Variants in RGS6 observed in about 807,000 individuals in gnomAD.
RGS6 encodes the protein regulator of G-protein signaling 6.
In RGS6, 30 loss-of-function variants were observed where a neutral mutation model predicts 78.5. The observed-to-expected ratio is 0.38, with a 90% CI of 0.29 to 0.52. The LOEUF (loss-of-function observed/expected upper bound fraction) is 0.52, where lower values mean the gene tolerates loss of function less well. Among genes scored for constraint, RGS6 ranks in the 20% least tolerant of loss-of-function variants. The pLI is 0.85. For missense variants in RGS6, 495 were observed against 609.7 expected, an observed-to-expected ratio of 0.81 and a Z score of 1.98; for synonymous variants, 206 against 206.0, an observed-to-expected ratio of 1.00 and a Z score of 0.00.
the RGS6 span, chr14:72,629,564 C>T: frequency 6.9e-7 from 1 of 1,453,522 alleles, no homozygotes; most frequent in Non-Finnish European, 9.3e-7. Context: ...TCCTCTTCAC[C>T]CCTCAAAGGA....
At chr14:72,483,674 G>A (rs913797941) in intron 12 of RGS6, among the ~76,000 whole-genome samples, 1 of 151,842 alleles carries the variant, frequency 6.6e-6, no homozygotes, top group African/African-American at 2.4e-5. Flanking sequence ...AAACCATGGG[G>A]TCTTTGCTCC....
chr14:72,437,824 A>T (rs2095007498), intron 3 of RGS6, among the ~76,000 whole-genome samples: 1 of 152,210 alleles, frequency 6.6e-6, no homozygotes, highest in South Asian at 2.1e-4. Context: ...TGGCTGTGTG[A>T]CTGTATCCAC....
intron 2 of RGS6, among the ~76,000 whole-genome samples, chr14:72,284,967 G>A (rs750793507): frequency 1.3e-5 from 2 of 152,176 alleles, no homozygotes; most frequent in Non-Finnish European, 2.9e-5. Context: ...GGACTTGGAT[G>A]GGACCTTTAG....
At chr14:71,973,075 C>T (rs1481845274) in intron 2 of RGS6, among the ~76,000 whole-genome samples, 1 of 152,124 alleles carries the variant, frequency 6.6e-6, no homozygotes, top group African/African-American at 2.4e-5. Flanking sequence ...CATTTATGGC[C>T]ATGCGTAAGT....
intron 2 of RGS6, among the ~76,000 whole-genome samples, chr14:72,021,093 G>A (rs1014218029): frequency 6.6e-6 from 1 of 152,196 alleles, no homozygotes; most frequent in Non-Finnish European, 1.5e-5. Context: ...CTCTGCTGAT[G>A]GAGCCATTTT....
intron 3 of RGS6, among the ~76,000 whole-genome samples, chr14:72,451,860 C>T (rs2153225850): frequency 6.6e-6 from 1 of 152,226 alleles, no homozygotes; most frequent in South Asian, 2.1e-4. Flanking sequence ...TCAAGCAATT[C>T]CCCTGCCTGA....
intron 16 of RGS6, chr14:72,537,376 A>G (rs2097264507): frequency 1.5e-6 from 1 of 651,662 alleles, no homozygotes; most frequent in Non-Finnish European, 2.8e-6. Flanking sequence ...ACAACTCCAG[A>G]GTCCTGGAGA....
chr14:72,038,268 A>G (rs2091989142), intron 2 of RGS6, among the ~76,000 whole-genome samples: 2 of 152,130 alleles, frequency 1.3e-5, no homozygotes, highest in South Asian at 4.1e-4. Flanking sequence ...CTCCCGGCCA[A>G]CCATGCTATC....
chr14:71,944,445 G>A (rs2152969619), intron 1 of RGS6, among the ~76,000 whole-genome samples: 1 of 152,292 alleles, frequency 6.6e-6, no homozygotes, highest in East Asian at 1.9e-4. Flanking sequence ...GCACAAGGTG[G>A]GGAATAAACA....
chr14:72,466,105 A>G (rs1024762644), intron 7 of RGS6, among the ~76,000 whole-genome samples: 9 of 152,260 alleles, frequency 5.9e-5, no homozygotes, highest in Non-Finnish European at 1.3e-4. Context: ...AAGAGGACAC[A>G]AGGATGATAA....
At chr14:72,304,492 T>TC (rs377306313) in intron 2 of RGS6, among the ~76,000 whole-genome samples, 113 of 152,382 alleles carry the variant, frequency 7.4e-4, no homozygotes, top group African/African-American at 2.5e-3. Context: ...GTGAATTTTC[T>TC]ATTCCACATT....
chr14:72,050,140 T>C (rs1218039955), intron 2 of RGS6, among the ~76,000 whole-genome samples: 2 of 151,990 alleles, frequency 1.3e-5, no homozygotes, highest in African/African-American at 4.8e-5. Context: ...TGAGGTAAAC[T>C]GAAATGTGAC....
At chr14:72,430,313 C>T (rs1351391453) in intron 3 of RGS6, among the ~76,000 whole-genome samples, 1 of 152,204 alleles carries the variant, frequency 6.6e-6, no homozygotes, top group East Asian at 1.9e-4. Flanking sequence ...CATTAAAACC[C>T]TCCAGTCATT....
intron 1 of RGS6, among the ~76,000 whole-genome samples, chr14:71,938,030 C>T (rs975346307): frequency 6.6e-6 from 1 of 152,186 alleles, no homozygotes; most frequent in Admixed American, 6.5e-5. Context: ...ACCATGGCCA[C>T]TTTGTTCATG....
the RGS6 span, among the ~76,000 whole-genome samples, chr14:71,915,758 C>A: frequency 9.3e-3 from 1,418 of 152,224 alleles, 30 homozygotes; most frequent in African/African-American, 0.032. Flanking sequence ...AAGCTTGAAC[C>A]CCTAGTACCT....
At chr14:72,512,416 T>G (rs2096889464) in intron 14 of RGS6, among the ~76,000 whole-genome samples, 1 of 151,984 alleles carries the variant, frequency 6.6e-6, no homozygotes, top group African/African-American at 2.4e-5. Context: ...CACCAAGGAG[T>G]GTGTCCCTGG....
At chr14:72,334,772 A>G (rs188207399) in intron 2 of RGS6, among the ~76,000 whole-genome samples, 1 of 151,992 alleles carries the variant, frequency 6.6e-6, no homozygotes, top group African/African-American at 2.4e-5. Flanking sequence ...TCCCACTAAT[A>G]TTAGAGGGAC....
chr14:72,109,405 A>G (rs531736212), intron 2 of RGS6, among the ~76,000 whole-genome samples: 30 of 152,296 alleles, frequency 2.0e-4, no homozygotes, highest in African/African-American at 7.0e-4. Flanking sequence ...CACTGCTACC[A>G]CTGCCATCTC....
chr14:72,283,620 A>G (rs886231962), intron 2 of RGS6, among the ~76,000 whole-genome samples: 27 of 152,322 alleles, frequency 1.8e-4, no homozygotes, highest in African/African-American at 6.5e-4. Context: ...ACCCCCAGCC[A>G]TGTGGAACTG....
Sources: allele counts gnomAD v4.1 joint callset (sites outside exome capture counted in the v4.1 genomes callset), GRCh38; gene constraint gnomAD v4.1.1; transcripts MANE v1.5; gene names NCBI Gene and HGNC (gene_info 2026-07-23, HGNC 2026-07-21).